FANCC: variants seen among roughly 807,000 people sequenced by gnomAD.
FANCC encodes Fanconi anemia group C protein.
FANCC carries 55 observed loss-of-function variants against 71.3 expected under a neutral mutation model. The ratio of observed to expected loss-of-function variants is 0.77; its 90% confidence interval spans 0.62 to 0.97. The LOEUF is 0.97. Among genes scored for constraint, FANCC ranks in the 50% least tolerant of loss-of-function variants. The probability of loss-of-function intolerance (pLI) is 0.00; values close to 1 mark genes in which losing one functional copy is unlikely to be tolerated. For synonymous variants in FANCC, 275 were observed against 244.9 expected (o/e 1.12, Z -1.15); for missense variants, 678 against 670.9 (o/e 1.01, Z -0.12).
At chr9:95,132,155 G>A (rs1022157659) in intron 8 of FANCC, among the ~76,000 whole-genome samples, 2 of 152,276 alleles carry the variant, frequency 1.3e-5, no homozygotes, top group African/African-American at 4.8e-5. Flanking sequence ...ACCCAGCTGC[G>A]GGCGGGCTCT....
intron 4 of FANCC, among the ~76,000 whole-genome samples, chr9:95,174,217 C>T (rs558891954): frequency 1.9e-4 from 29 of 152,142 alleles, no homozygotes; most frequent in Admixed American, 1.8e-3. Context: ...GTTGCTGTGC[C>T]CTCTAGAGGA....
At chr9:95,297,356 A>AT in intron 1 of FANCC, among the ~76,000 whole-genome samples, 1 of 152,252 alleles carries the variant, frequency 6.6e-6, no homozygotes, top group Non-Finnish European at 1.5e-5. Flanking sequence ...TGATCTCACC[A>AT]TTTTTTATCC....
intron 4 of FANCC, among the ~76,000 whole-genome samples, chr9:95,180,796 G>A (rs1257660936): frequency 6.6e-6 from 1 of 151,992 alleles, no homozygotes; most frequent in African/African-American, 2.4e-5. Flanking sequence ...AGCAGCACAG[G>A]ATGTTTGTTT....
At chr9:95,109,622 G>A (rs2071748170) in intron 13 of FANCC, 1 of 152,180 alleles carries the variant, frequency 6.6e-6, no homozygotes, top group Non-Finnish European at 1.5e-5. Flanking sequence ...CTTCTCACAG[G>A]CAGGACACAT....
chr9:95,129,239 A>G (rs1000025682), intron 8 of FANCC, among the ~76,000 whole-genome samples: 9 of 152,176 alleles, frequency 5.9e-5, no homozygotes, highest in African/African-American at 2.2e-4. Flanking sequence ...GACACTCTTT[A>G]TACTTTTTGA....
chr9:95,289,112 G>A (rs962016311), intron 1 of FANCC, among the ~76,000 whole-genome samples: 3 of 151,982 alleles, frequency 2.0e-5, no homozygotes, highest in Admixed American at 2.0e-4. Context: ...TAGAAATAAT[G>A]ATAATAAGAA....
chr9:95,172,146 C>T lies in FANCC; in HGVS notation c.347G>A (p.Gly116Asp), dbSNP rs1282106098. The T allele has an allele frequency of 5.0e-6, 8 of 1,590,238 alleles. No individual in the cohort carries two copies. The South Asian group carries it at 7.8e-5, about 15-fold the overall frequency. Residue 116 changes from glycine (G) to aspartate (D), a missense_variant and splice_region_variant, in exon 5 of 15, where the codon GGT becomes GAT. Physicochemically the swap from Gly to Asp is moderately conservative, Grantham distance 94 (BLOSUM62 -1). Coordinates refer to ENST00000289081, the MANE Select transcript of FANCC (RefSeq NM_000136.3). ...GQSKLNSWIQ[G>D]VLSHILSALR... ...TGCTGAAAGTATATGAGATAATACA[C>T]CCTAAAAAACATAAACAGAAAAAGT...
chr9:95,122,254 T>C (rs1340941435), intron 10 of FANCC, among the ~76,000 whole-genome samples: 1 of 152,122 alleles, frequency 6.6e-6, no homozygotes, highest in Non-Finnish European at 1.5e-5. Flanking sequence ...GGTTTACAGA[T>C]ACTCATTTTA....
At chr9:95,148,934 A>G (rs1205291987) in intron 7 of FANCC, among the ~76,000 whole-genome samples, 1 of 152,170 alleles carries the variant, frequency 6.6e-6, no homozygotes, top group Non-Finnish European at 1.5e-5. Flanking sequence ...CCCAATTACT[A>G]TCTATGTGGG....
At chr9:95,243,575 G>A (rs188760878) in intron 3 of FANCC, among the ~76,000 whole-genome samples, 27 of 151,736 alleles carry the variant, frequency 1.8e-4, no homozygotes, top group African/African-American at 4.6e-4. Flanking sequence ...ACAAGGTCAG[G>A]AGATCAAGAC....
In FANCC at chr9:95,274,106, T is replaced by C. The variant is rs141680549; in HGVS notation, c.-78-24737A>G. Among the ~76,000 whole-genome samples, 82 of 152,312 alleles carry C rather than the reference T, an allele frequency of 5.4e-4. 2 individuals are homozygous for C. In the East Asian group the frequency reaches 0.014, roughly 26 times the overall value. ...TTGTTACACAGGTATACACACGCCA[T>C]GGTGGTTTGCTGCACCGATCAACCC... On this transcript the variant is annotated intron_variant, in intron 1 of 14. Transcript: ENST00000289081.
At chr9:95,123,411 G>A (rs1415905942) in intron 10 of FANCC, 4 of 453,642 alleles carry the variant, frequency 8.8e-6, no homozygotes, top group Middle Eastern at 3.4e-4. Flanking sequence ...AGGCCAAGGT[G>A]GGAAGATTGC....
intron 4 of FANCC, among the ~76,000 whole-genome samples, chr9:95,194,974 C>G (rs1261172421): frequency 1.3e-5 from 2 of 151,898 alleles, no homozygotes; most frequent in Non-Finnish European, 2.9e-5. Flanking sequence ...CTGAGGCAGA[C>G]AGATCACGAG....
chr9:95,128,382 G>C (rs1354907642), intron 8 of FANCC, among the ~76,000 whole-genome samples: 1 of 152,232 alleles, frequency 6.6e-6, no homozygotes, highest in Non-Finnish European at 1.5e-5. Flanking sequence ...AGACAGATAA[G>C]AGCTTGGAAA....
At chr9:95,130,299 T>TGAGA (rs3030652) in intron 8 of FANCC, among the ~76,000 whole-genome samples, 285 of 149,268 alleles carry the variant, frequency 1.9e-3, no homozygotes, top group Admixed American at 3.7e-3. Context: ...TGTGTGTGTG[T>TGAGA]GAGAGAGAGA....
chr9:95,257,142 C>A (rs1365604279), intron 1 of FANCC, among the ~76,000 whole-genome samples: 1 of 152,168 alleles, frequency 6.6e-6, no homozygotes, highest in Non-Finnish European at 1.5e-5. Context: ...AGAAAATTAA[C>A]AAGGATATTC....
intron 4 of FANCC, among the ~76,000 whole-genome samples, chr9:95,236,144 T>C (rs1408289086): frequency 1.3e-5 from 2 of 152,192 alleles, no homozygotes; most frequent in Admixed American, 6.5e-5. Flanking sequence ...CCTGGTACCC[T>C]GTTGTGTTTT....
chr9:95,156,158 A>G (rs760917613), intron 6 of FANCC, among the ~76,000 whole-genome samples: 15 of 152,158 alleles, frequency 9.9e-5, no homozygotes, highest in African/African-American at 1.4e-4. Context: ...TTCAAAAGTA[A>G]TATGAACAAA....
intron 1 of FANCC, among the ~76,000 whole-genome samples, chr9:95,302,649 T>G (rs1201184175): frequency 2.0e-5 from 3 of 152,232 alleles, no homozygotes; most frequent in Admixed American, 6.5e-5. Flanking sequence ...AGTGGGGTTC[T>G]GACAGTTCCT....
Sources: gnomAD v4.1 joint callset for allele counts (sites outside exome capture counted in the v4.1 genomes callset) on GRCh38, gnomAD v4.1.1 for gene constraint, MANE v1.5 for transcripts, NCBI Gene and HGNC (gene_info 2026-07-23, HGNC 2026-07-21) for gene names.